LIMK1: variants seen among roughly 807,000 people sequenced by gnomAD.
The protein encoded by LIMK1 is LIM motif-containing protein kinase.
In LIMK1, 21 loss-of-function variants were observed where a neutral mutation model predicts 77.6. That is an observed-to-expected ratio of 0.27 (90% CI 0.19 to 0.39). The LOEUF is 0.39. LIMK1 is among the 10% of genes least tolerant of loss of function. The pLI, the probability that LIMK1 is intolerant of heterozygous loss-of-function variation, is 1.00. For missense variants in LIMK1, 696 were observed against 901.6 expected, an observed-to-expected ratio of 0.77 and a Z score of 2.92; for synonymous variants, 358 against 370.0, an observed-to-expected ratio of 0.97 and a Z score of 0.37.
chr7:74,115,748 C>T, intron 12 of LIMK1, 54 bp from the exon 13 acceptor site: 1 of 1,586,546 alleles, frequency 6.3e-7, no homozygotes, highest in Non-Finnish European at 8.6e-7. Flanking sequence ...AGGGGCAGGC[C>T]AAGCGGGCAG....
At chr7:74,104,754 G>A (rs957952413) in intron 5 of LIMK1, among the ~76,000 whole-genome samples, 4 of 152,118 alleles carry the variant, frequency 2.6e-5, no homozygotes, top group Non-Finnish European at 4.4e-5. Flanking sequence ...TCTCTTTCCC[G>A]TCTTCACCCT....
intron 2 of LIMK1, among the ~76,000 whole-genome samples, chr7:74,095,801 G>A (rs1474392238): frequency 3.3e-5 from 5 of 151,998 alleles, no homozygotes; most frequent in Non-Finnish European, 5.9e-5. Flanking sequence ...CGGGAATGTA[G>A]GTCTAACCCT....
At chr7:74,111,355 T>C (rs1799694583) in intron 10 of LIMK1, 2 of 392,752 alleles carry the variant, frequency 5.1e-6, no homozygotes, top group Admixed American at 7.3e-5. Context: ...CAAGAATCAC[T>C]TGAGCCCCGG....
In LIMK1 at chr7:74,083,814, C is replaced by A; in HGVS notation, c.-177C>A. The A allele has an allele frequency of 1.4e-5, 2 of 146,600 alleles. No homozygotes were observed. The highest frequency in any genetic ancestry group is 3.7e-4 in the South Asian group (2 of 5,344). 9.1% of individuals were successfully genotyped at this position (146,600 alleles called of 1,614,324 possible). A position where few individuals can be genotyped will look rare whatever the true frequency, so the allele number is the denominator to read the frequency against. On this transcript the variant is annotated 5_prime_UTR_variant, in exon 1 of 16. Coordinates refer to ENST00000336180, the MANE Select transcript of LIMK1 (RefSeq NM_002314.4). ...TCGGTCCGCCCCTCCGCTCGCTCCC[C>A]AAGCCGCCGCGGCGCCGAGCCGGTT...
chr7:74,106,263 G>A lies in LIMK1; in HGVS notation c.881+20G>A, dbSNP rs199765240. 168 of 1,586,964 alleles carry A rather than the reference G, an allele frequency of 1.1e-4. No individual in the cohort carries two copies. Among genetic ancestry groups the A allele is most frequent in the African/African-American group, 1.0e-3 (74 of 74,138 alleles). On this transcript the variant is annotated intron_variant, in intron 7 of 15. Coordinates refer to ENST00000336180, the MANE Select transcript of LIMK1 (RefSeq NM_002314.4). ...TGTCTTGTAAGTCAGCCTGCTCCTC[G>A]GTTCAGCTGGGTGCTTTCACTCCTG...
At chr7:74,119,798 C>G (rs1799894978) in intron 13 of LIMK1, among the ~76,000 whole-genome samples, 1 of 151,994 alleles carries the variant, frequency 6.6e-6, no homozygotes, top group Non-Finnish European at 1.5e-5. Context: ...ATCCCAGCTA[C>G]TCGGGAAATT....
chr7:74,096,476 G>T, intron 2 of LIMK1, 146 bp from the exon 3 acceptor site: 2 of 1,036,942 alleles, frequency 1.9e-6, no homozygotes, highest in East Asian at 2.7e-5. Flanking sequence ...ACTGCAGCCT[G>T]GCGACAGAGC....
At chr7:74,093,022 C>T in intron 2 of LIMK1, 5 of 963,212 alleles carry the variant, frequency 5.2e-6, no homozygotes, top group Non-Finnish European at 7.3e-6. Context: ...CGCTCCCCAC[C>T]CGCACCAAAG....
At chr7:74,120,346 C>T (rs1554700326) in intron 13 of LIMK1, among the ~76,000 whole-genome samples, 1 of 152,234 alleles carries the variant, frequency 6.6e-6, no homozygotes, top group Non-Finnish European at 1.5e-5. Flanking sequence ...ATCGGTGCCT[C>T]GAACTCCTTG....
chr7:74,084,178 C>T, intron 1 of LIMK1, 133 bp downstream of exon 1: 1 of 343,854 alleles, frequency 2.9e-6, no homozygotes, highest in East Asian at 4.6e-5. Flanking sequence ...CTTACGAAGC[C>T]CGCAGGCCCC....
At chr7:74,105,110 C>T (rs781927277) in intron 5 of LIMK1, among the ~76,000 whole-genome samples, 5 of 152,278 alleles carry the variant, frequency 3.3e-5, no homozygotes, top group Non-Finnish European at 4.4e-5. Flanking sequence ...CCCACTGCCA[C>T]GCTCGGCTAA....
chr7:74,086,786 G>A (rs886101267), intron 2 of LIMK1, among the ~76,000 whole-genome samples: 64 of 152,154 alleles, frequency 4.2e-4, no homozygotes, highest in Non-Finnish European at 1.6e-4. Flanking sequence ...TGGAAGGAAT[G>A]TCCCTCCTGC....
chr7:74,111,608 C>T, intron 10 of LIMK1, 40 bp from the exon 11 acceptor site: 1 of 1,580,674 alleles, frequency 6.3e-7, no homozygotes. Flanking sequence ...CCATCGGGGC[C>T]CCCACCGGCC....
chr7:74,118,354 C>T (rs894936449), intron 13 of LIMK1, among the ~76,000 whole-genome samples: 4 of 143,680 alleles, frequency 2.8e-5, no homozygotes, highest in Non-Finnish European at 6.0e-5. Flanking sequence ...TCCAGCCTGA[C>T]GACAGAGTGG....
chr7:74,093,059 T>C (rs147929359), intron 2 of LIMK1: 309 of 1,287,084 alleles, frequency 2.4e-4, no homozygotes, highest in Non-Finnish European at 3.0e-4. Context: ...TTCAGCCACT[T>C]CCTGTTGCAG....
rs144018159 is a variant in LIMK1 at position 74,121,302 on chromosome 7, G to C, written c.*1G>C. 6.3e-7 allele frequency: 1 copy of C among 1,588,198 alleles called. No homozygotes were observed. Among genetic ancestry groups the C allele is most frequent in the South Asian group, 1.1e-5 (1 of 88,690 alleles). ...TGCCCACCCTGAGGTCCCCGACTGA[G>C]CCAGGGCCACTCAGCTGCCCCTGTC... On this transcript the variant is annotated 3_prime_UTR_variant, in exon 16 of 16. Coordinates refer to ENST00000336180, the MANE Select transcript of LIMK1 (RefSeq NM_002314.4).
At chr7:74,086,254 A>T (rs951691410) in intron 2 of LIMK1, among the ~76,000 whole-genome samples, 14 of 152,138 alleles carry the variant, frequency 9.2e-5, no homozygotes, top group African/African-American at 3.4e-4. Context: ...CATGTTAGCC[A>T]GGCTGGTCTG....
chr7:74,119,318 A>G (rs1799885036), intron 13 of LIMK1, among the ~76,000 whole-genome samples: 1 of 151,600 alleles, frequency 6.6e-6, no homozygotes, highest in Non-Finnish European at 1.5e-5. Flanking sequence ...AGCTGGGATT[A>G]CAGGCACCTG....
chr7:74,108,089 C>T (rs563047615), intron 9 of LIMK1, 132 bp downstream of exon 9: 10 of 676,640 alleles, frequency 1.5e-5, no homozygotes, highest in South Asian at 6.8e-5. Context: ...TAGTGGCTCA[C>T]GCCTGTAATC....
Sources: allele counts gnomAD v4.1 joint callset (sites outside exome capture counted in the v4.1 genomes callset), GRCh38; gene constraint gnomAD v4.1.1; transcripts MANE v1.5; gene names NCBI Gene and HGNC (gene_info 2026-07-23, HGNC 2026-07-21).